The following GHR variants were observed in gnomAD, a reference collection of about 807,000 sequenced individuals.
GHR encodes growth hormone receptor, also known as GH receptor.
A neutral mutation model predicts 67.1 loss-of-function variants in GHR; 35 were observed. The ratio of observed to expected loss-of-function variants is 0.52; its 90% CI spans 0.40 to 0.69. GHR has a LOEUF of 0.69. Among genes scored for constraint, GHR ranks in the 30% least tolerant of loss-of-function variants. The pLI is 0.00. For synonymous variants in GHR, 272 were observed against 269.1 expected (o/e 1.01, Z -0.10); for missense variants, 792 against 764.6 (o/e 1.04, Z -0.42).
intron 1 of GHR, among the ~76,000 whole-genome samples, chr5:42,497,348 AC>A (rs1665010375): frequency 6.6e-6 from 1 of 152,212 alleles, no homozygotes; most frequent in Non-Finnish European, 1.5e-5. Flanking sequence ...TTCTAATGTT[AC>A]ACGAATGCCT....
chr5:42,578,452 C>T (rs1283948065), intron 2 of GHR, among the ~76,000 whole-genome samples: 1 of 152,086 alleles, frequency 6.6e-6, no homozygotes, highest in Non-Finnish European at 1.5e-5. Flanking sequence ...CCTTAAGAGG[C>T]TCAAAGGTTT....
chr5:42,443,962 G>T (rs916014325), intron 1 of GHR, among the ~76,000 whole-genome samples: 1 of 148,734 alleles, frequency 6.7e-6, no homozygotes, highest in East Asian at 1.9e-4. Flanking sequence ...GATATAGATA[G>T]ATATAGATAT....
rs139436042 is a variant in GHR, at chr5:42,674,813, T to C, written c.137-14077T>C. Among the ~76,000 whole-genome samples, 637 of 152,280 alleles carry C rather than the reference T, an allele frequency of 4.2e-3. 8 individuals are homozygous for C. Among genetic ancestry groups the C allele is most frequent in the African/African-American group, 0.015 (613 of 41,554 alleles). ...TTAAATAATGCTGTTATGAGCATTC[T>C]TGCACATGTTTTTGTGTGATCATAT... On this transcript the variant is annotated intron_variant, in intron 3 of 9. Coordinates refer to ENST00000230882, the MANE Select transcript of GHR (RefSeq NM_000163.5).
At chr5:42,665,627 A>T (rs952467536) in intron 3 of GHR, among the ~76,000 whole-genome samples, 8 of 152,106 alleles carry the variant, frequency 5.3e-5, no homozygotes, top group Non-Finnish European at 1.0e-4. Flanking sequence ...GGATAGCTTT[A>T]GGAGATATAC....
intron 1 of GHR, among the ~76,000 whole-genome samples, chr5:42,558,278 C>T (rs1258229327): frequency 6.6e-6 from 1 of 152,104 alleles, no homozygotes; most frequent in East Asian, 1.9e-4. Flanking sequence ...TTGGGAGGAC[C>T]TTTTACAACA....
intron 1 of GHR, among the ~76,000 whole-genome samples, chr5:42,460,574 G>T (rs1356202420): frequency 6.6e-6 from 1 of 152,188 alleles, no homozygotes; most frequent in East Asian, 1.9e-4. Context: ...GACGGTGCTT[G>T]TTCCTCTCTG....
chr5:42,717,981 T>G (rs1758801945), intron 8 of GHR, 71 bp from the exon 9 acceptor site: 1 of 786,674 alleles, frequency 1.3e-6, no homozygotes, highest in African/African-American at 1.7e-5. Flanking sequence ...ATATTTTATT[T>G]CTATCTTTTG....
chr5:42,579,056 A>G (rs1159290208), intron 2 of GHR, among the ~76,000 whole-genome samples: 1 of 151,300 alleles, frequency 6.6e-6, no homozygotes, highest in African/African-American at 2.4e-5. Flanking sequence ...AACCTGTTTT[A>G]AACTCTAAAT....
chr5:42,548,896 G>A (rs1238749657), intron 1 of GHR, among the ~76,000 whole-genome samples: 1 of 152,176 alleles, frequency 6.6e-6, no homozygotes, highest in African/African-American at 2.4e-5. Flanking sequence ...AGTTTTCTGA[G>A]CATTTAGAGA....
chr5:42,699,485 A>C (rs1757829476), intron 5 of GHR, among the ~76,000 whole-genome samples: 2 of 152,192 alleles, frequency 1.3e-5, no homozygotes, highest in Non-Finnish European at 2.9e-5. Flanking sequence ...TTTCAGTTTC[A>C]AGTGAAAATA....
rs185316847 is a variant in GHR at position 42,653,461 on chromosome 5, G to A, written c.136+24358G>A. ...CCGGGCCCTAGTCATTGATCAAAAA[G>A]CACCAATACAAATCAGAGTAGAGAA... is the stretch of plus-strand genomic sequence containing the variant. On this transcript the variant is annotated intron_variant, in intron 3 of 9. Transcript: ENST00000230882. Among the ~76,000 whole-genome samples the A allele has an allele frequency of 2.6e-3, 396 of 152,134 alleles. 2 individuals carry two copies. The highest frequency in any genetic ancestry group is 9.2e-3 in the African/African-American group (383 of 41,518).
chr5:42,565,028 A>G (rs1327948905), intron 1 of GHR, among the ~76,000 whole-genome samples: 1 of 152,146 alleles, frequency 6.6e-6, no homozygotes, highest in Non-Finnish European at 1.5e-5. Context: ...TTTTCTAGAA[A>G]AGCTTATTTC....
intron 3 of GHR, among the ~76,000 whole-genome samples, chr5:42,641,255 A>G (rs577248223): frequency 6.6e-6 from 1 of 152,184 alleles, no homozygotes; most frequent in East Asian, 1.9e-4. Flanking sequence ...GACTAAACTC[A>G]ATCCAAAGCT....
chr5:42,443,414 A>T (rs1238287014), intron 1 of GHR, among the ~76,000 whole-genome samples: 2 of 152,266 alleles, frequency 1.3e-5, no homozygotes. Context: ...GCTTATAGGC[A>T]TAACTATTGC....
intron 6 of GHR, among the ~76,000 whole-genome samples, chr5:42,707,253 CACTT>C (rs1281561530): frequency 6.6e-6 from 1 of 152,026 alleles, no homozygotes; most frequent in East Asian, 1.9e-4. Flanking sequence ...TTTGATGTCA[CACTT>C]ACATCTTTTT....
chr5:42,425,214 A>G (rs968358247), intron 1 of GHR, among the ~76,000 whole-genome samples: 4 of 152,120 alleles, frequency 2.6e-5, no homozygotes, highest in Admixed American at 2.0e-4. Context: ...AGGGATGTGT[A>G]ATATGTGTGA....
intron 3 of GHR, among the ~76,000 whole-genome samples, chr5:42,672,173 C>T (rs1350152477): frequency 2.0e-5 from 3 of 151,986 alleles, no homozygotes; most frequent in Non-Finnish European, 4.4e-5. Context: ...AAATAAAAGA[C>T]ATCAAAATAG....
chr5:42,541,842 T>C (rs1268528208), intron 1 of GHR, among the ~76,000 whole-genome samples: 1 of 152,114 alleles, frequency 6.6e-6, no homozygotes, highest in Non-Finnish European at 1.5e-5. Context: ...TCTGGAAAGA[T>C]GAAGGTGATA....
intron 1 of GHR, among the ~76,000 whole-genome samples, chr5:42,550,752 G>A (rs897973319): frequency 1.3e-5 from 2 of 152,116 alleles, no homozygotes; most frequent in Admixed American, 6.5e-5. Context: ...GTGGGAAGCC[G>A]AGTTCTGCCA....
Sources: gnomAD v4.1 joint callset for allele counts (sites outside exome capture counted in the v4.1 genomes callset) on GRCh38, gnomAD v4.1.1 for gene constraint, MANE v1.5 for transcripts, NCBI Gene and HGNC (gene_info 2026-07-23, HGNC 2026-07-21) for gene names.